CELF1: variants seen among roughly 807,000 people sequenced by gnomAD.
CELF1 encodes 50 kDa nuclear polyadenylated RNA-binding protein.
In CELF1, 10 loss-of-function variants were observed where a neutral mutation model predicts 61.8. The observed-to-expected ratio is 0.16, with a 90% CI of 0.10 to 0.27. The LOEUF (loss-of-function observed/expected upper bound fraction) is 0.27, where lower values mean the gene tolerates loss of function less well. Among genes scored for constraint, CELF1 ranks in the 10% least tolerant of loss-of-function variants. The probability of loss-of-function intolerance (pLI) is 1.00; values close to 1 mark genes in which losing one functional copy is unlikely to be tolerated. For missense variants in CELF1, 380 were observed against 639.1 expected, an observed-to-expected ratio of 0.59 and a Z score of 4.37; for synonymous variants, 236 against 225.1, an observed-to-expected ratio of 1.05 and a Z score of -0.43.
chr11:47,480,384 G>T (rs150913576), intron 9 of CELF1, among the ~76,000 whole-genome samples: 1 of 152,264 alleles, frequency 6.6e-6, no homozygotes, highest in East Asian at 1.9e-4. Context: ...ACCGCGCCTG[G>T]CCTTTTTCTT....
intron 1 of CELF1, among the ~76,000 whole-genome samples, chr11:47,534,021 CCTTTTTTTTTTTT>C (rs1291522470): frequency 1.1e-4 from 11 of 98,472 alleles, no homozygotes; most frequent in African/African-American, 3.8e-4. Flanking sequence ...TTTTTTCTTT[CCTTTTTTTTTTTT>C]TTTTTTTTTT....
chr11:47,552,471 G>A (rs2097163735), intron 1 of CELF1, among the ~76,000 whole-genome samples: 1 of 152,244 alleles, frequency 6.6e-6, no homozygotes, highest in Non-Finnish European at 1.5e-5. Context: ...AGCCAAGGCC[G>A]TAGCGGATCT....
intron 1 of CELF1, among the ~76,000 whole-genome samples, chr11:47,532,632 G>A (rs2096516948): frequency 6.6e-6 from 1 of 152,052 alleles, no homozygotes; most frequent in African/African-American, 2.4e-5. Context: ...AACAGTGCTG[G>A]GAAAATTCCT....
chr11:47,531,293 G>T (rs1414620525), intron 1 of CELF1, among the ~76,000 whole-genome samples: 1 of 151,868 alleles, frequency 6.6e-6, no homozygotes, highest in Non-Finnish European at 1.5e-5. Context: ...AAACAGGCCA[G>T]GCGCGGTGGC....
chr11:47,542,820 G>A (rs747344024), intron 1 of CELF1, among the ~76,000 whole-genome samples: 4 of 152,062 alleles, frequency 2.6e-5, no homozygotes, highest in Non-Finnish European at 4.4e-5. Context: ...AACAGGGCTG[G>A]ACTGTGCTCA....
chr11:47,542,496 A>AT (rs112443041), intron 1 of CELF1, among the ~76,000 whole-genome samples: 2,442 of 121,800 alleles, frequency 0.02, 54 homozygotes, highest in African/African-American at 0.048. Flanking sequence ...TACTTTCTCC[A>AT]TTTTTTTTTT....
chr11:47,511,007 C>G (rs1043762628), intron 1 of CELF1, among the ~76,000 whole-genome samples: 1 of 151,786 alleles, frequency 6.6e-6, no homozygotes, highest in Non-Finnish European at 1.5e-5. Flanking sequence ...CATCATGAAA[C>G]CCTGTTGCTA....
At chr11:47,514,967 T>C (rs922460153) in intron 1 of CELF1, 2 of 152,280 alleles carry the variant, frequency 1.3e-5, no homozygotes, top group Admixed American at 6.5e-5. Context: ...CCCAAACAGC[T>C]TCCTACTGTG....
At chr11:47,536,852 T>C (rs72907975) in intron 1 of CELF1, among the ~76,000 whole-genome samples, 11 of 152,280 alleles carry the variant, frequency 7.2e-5, no homozygotes, top group Non-Finnish European at 1.5e-4. Flanking sequence ...GAATATATAA[T>C]AAACATAATG....
intron 1 of CELF1, among the ~76,000 whole-genome samples, chr11:47,542,956 C>T (rs2096847025): frequency 6.6e-6 from 1 of 151,790 alleles, no homozygotes; most frequent in Non-Finnish European, 1.5e-5. Context: ...CCCGTCTCTA[C>T]AAATACTACA....
intron 1 of CELF1, chr11:47,513,887 T>C (rs1217337974): frequency 1.3e-5 from 2 of 151,884 alleles, no homozygotes; most frequent in East Asian, 3.9e-4. Context: ...ATTTCTTCCA[T>C]GCATACAATA....
Position 47,484,534 on chromosome 11 carries a change from A to G in CELF1, c.392-11T>C. 6.3e-7 allele frequency: 1 copy of G among 1,598,994 alleles called. No homozygotes were observed. Among genetic ancestry groups the G allele is most frequent in the Non-Finnish European group, 8.5e-7 (1 of 1,175,284 alleles). On this transcript the variant is annotated splice_polypyrimidine_tract_variant and intron_variant, in intron 6 of 14. Transcript: ENST00000687097. ...TCCTGTCTTCCACTGCTAAGAGAGT[A>G]AAACAGAAAAGACTTGAATATTACT...
At chr11:47,535,539 A>T (rs2096605632) in intron 1 of CELF1, among the ~76,000 whole-genome samples, 1 of 151,536 alleles carries the variant, frequency 6.6e-6, no homozygotes, top group Non-Finnish European at 1.5e-5. Context: ...TTAGCCGGGC[A>T]TGGTGGGGCA....
At chr11:47,515,401 T>C (rs546927987) in intron 1 of CELF1, among the ~76,000 whole-genome samples, 2 of 152,306 alleles carry the variant, frequency 1.3e-5, no homozygotes, top group Admixed American at 6.5e-5. Flanking sequence ...TCATGATCAC[T>C]TGCTCAAATC....
At chr11:47,534,954 G>GC (rs1022267332) in intron 1 of CELF1, among the ~76,000 whole-genome samples, 12 of 151,338 alleles carry the variant, frequency 7.9e-5, no homozygotes, top group Non-Finnish European at 1.5e-4. Flanking sequence ...CTGTGGATCT[G>GC]TTTTTTTCAG....
intron 1 of CELF1, among the ~76,000 whole-genome samples, chr11:47,537,566 A>G (rs1426111787): frequency 2.6e-5 from 4 of 152,102 alleles, no homozygotes; most frequent in African/African-American, 9.7e-5. Context: ...AACCTTAACC[A>G]TAATGTCTTT....
intron 3 of CELF1, among the ~76,000 whole-genome samples, chr11:47,489,961 G>A (rs1339490905): frequency 1.3e-4 from 1 of 7,590 alleles, no homozygotes; most frequent in Non-Finnish European, 2.8e-4. Context: ...TTTTTGAGAC[G>A]GAATTTCACT....
chr11:47,552,139 A>G (rs570867968), intron 1 of CELF1, among the ~76,000 whole-genome samples: 1 of 152,342 alleles, frequency 6.6e-6, no homozygotes, highest in South Asian at 2.1e-4. Context: ...ACTCGAAGGT[A>G]ATAAACCTAC....
intron 3 of CELF1, among the ~76,000 whole-genome samples, chr11:47,495,366 T>A (rs970409664): frequency 1.5e-4 from 23 of 152,034 alleles, no homozygotes; most frequent in African/African-American, 5.6e-4. Context: ...AGGTTGGTGG[T>A]TGCTTAGGAA....
Sources: allele counts gnomAD v4.1 joint callset (sites outside exome capture counted in the v4.1 genomes callset), GRCh38; gene constraint gnomAD v4.1.1; transcripts MANE v1.5; gene names NCBI Gene and HGNC (gene_info 2026-07-23, HGNC 2026-07-21).